The following FAM53B variants were observed in gnomAD, a reference collection of about 807,000 sequenced individuals.
The protein encoded by FAM53B is family with sequence similarity 53 member B.
Under a neutral mutation model 32.7 loss-of-function variants are expected in FAM53B, and 12 were observed. The ratio of observed to expected loss-of-function variants is 0.37; its 90% CI spans 0.24 to 0.59. The LOEUF is 0.59. FAM53B is among the 20% of genes least tolerant of loss of function. The pLI, the probability that FAM53B is intolerant of heterozygous loss-of-function variation, is 0.72. For synonymous variants in FAM53B, 234 were observed against 228.7 expected (o/e 1.02, Z -0.21); for missense variants, 477 against 577.7 (o/e 0.83, Z 1.79).
intron 4 of FAM53B, among the ~76,000 whole-genome samples, chr10:124,681,279 G>A (rs1949769268): frequency 6.6e-6 from 1 of 152,182 alleles, no homozygotes; most frequent in African/African-American, 2.4e-5. Context: ...TCCTGGGAGA[G>A]ACGGCTCCAG....
chr10:124,644,038 A>G (rs932577566), intron 4 of FAM53B, among the ~76,000 whole-genome samples: 1 of 104,646 alleles, frequency 9.6e-6, no homozygotes, highest in African/African-American at 3.3e-5. Flanking sequence ...GCCTTGCTCC[A>G]ACGAAGATGT....
intron 1 of FAM53B, among the ~76,000 whole-genome samples, chr10:124,716,986 A>C (rs1950042053): frequency 6.6e-6 from 1 of 152,192 alleles, no homozygotes; most frequent in South Asian, 2.1e-4. Context: ...CCTATTTATA[A>C]GTATACTGAA....
At chr10:124,677,563 G>A (rs966065179) in intron 4 of FAM53B, among the ~76,000 whole-genome samples, 3 of 152,240 alleles carry the variant, frequency 2.0e-5, no homozygotes, top group South Asian at 2.1e-4. Flanking sequence ...AGGTCCTTGC[G>A]TCATTTCCCC....
At chr10:124,655,639 G>T (rs1402335410) in intron 4 of FAM53B, among the ~76,000 whole-genome samples, 2 of 152,066 alleles carry the variant, frequency 1.3e-5, no homozygotes, top group African/African-American at 2.4e-5. Flanking sequence ...TGCAGCAGGG[G>T]TTCAGCAGGC....
chr10:124,660,332 G>A (rs969741748), intron 4 of FAM53B, among the ~76,000 whole-genome samples: 1 of 152,208 alleles, frequency 6.6e-6, no homozygotes, highest in Non-Finnish European at 1.5e-5. Context: ...GCTTGGAAAA[G>A]ACATCTCACT....
Position 124,705,606 on chromosome 10 carries a change from C to T in FAM53B, c.78+1030G>A, listed in dbSNP as rs377324009. 2.6e-5 allele frequency: 4 copies of T among 152,440 alleles called. No individual in the cohort carries two copies. The East Asian group carries it at 7.7e-4, about 29-fold the overall frequency. The allele number at this position is 152,440 out of a possible 1,614,324, so 9.4% of individuals were successfully genotyped here. ...CACCCTCCCTCTAGACCACGAGCTTCTCAAGGGTGAGGAGTACAGGGCCTG... is the reference window on the plus strand; with the variant it reads ...CACCCTCCCTCTAGACCACGAGCTTTTCAAGGGTGAGGAGTACAGGGCCTG... On this transcript the variant is annotated intron_variant, in intron 2 of 4. Transcript: ENST00000337318.
At chr10:124,725,611 G>A (rs1046683854) in intron 1 of FAM53B, among the ~76,000 whole-genome samples, 1 of 152,202 alleles carries the variant, frequency 6.6e-6, no homozygotes, top group Non-Finnish European at 1.5e-5. Context: ...AACCTATCTG[G>A]GAAACCAAAA....
At chr10:124,719,063 GAAGA>G (rs900501457) in intron 1 of FAM53B, among the ~76,000 whole-genome samples, 66 of 151,868 alleles carry the variant, frequency 4.3e-4, no homozygotes, top group African/African-American at 1.4e-3. Context: ...AAAAGAAGAA[GAAGA>G]AAGAAGGAAG....
Position 124,744,140 on chromosome 10 carries a change from G to C in FAM53B, c.-302C>G, listed in dbSNP as rs1950218459. On this transcript the variant is annotated 5_prime_UTR_variant, in exon 1 of 5. Transcript: ENST00000337318. ...CCTGCCGGCGCCGAGCGCTTTGTACGAGCGACTCCCGGGGAGGAGGAAATC... is the reference window on the plus strand; with the variant it reads ...CCTGCCGGCGCCGAGCGCTTTGTACCAGCGACTCCCGGGGAGGAGGAAATC... The C allele has an allele frequency of 6.8e-6, 1 of 147,242 alleles. No homozygotes were observed. The highest frequency in any genetic ancestry group is 2.4e-5 in the African/African-American group (1 of 41,004). 9.1% of individuals were successfully genotyped at this position (147,242 alleles called of 1,614,324 possible). A position where few individuals can be genotyped will look rare whatever the true frequency, so the allele number is the denominator to read the frequency against.
chr10:124,709,458 G>A lies in FAM53B; in HGVS notation c.-174-2571C>T, dbSNP rs184838978. 1.4e-4 allele frequency among the ~76,000 whole-genome samples: 22 copies of A among 152,350 alleles called. No individual in the cohort carries two copies. The East Asian group carries it at 2.7e-3, about 19-fold the overall frequency. On this transcript the variant is annotated intron_variant, in intron 1 of 4. Coordinates refer to ENST00000337318, the MANE Select transcript of FAM53B (RefSeq NM_014661.4). ...CTGGGTAACTGGGTGGTCAGCACACGTGGCAGGCATGGAAAGGAGAAGGCA... is the reference window on the plus strand; with the variant it reads ...CTGGGTAACTGGGTGGTCAGCACACATGGCAGGCATGGAAAGGAGAAGGCA...
At chr10:124,686,832 A>AGT (rs1472326381) in intron 3 of FAM53B, among the ~76,000 whole-genome samples, 1 of 152,238 alleles carries the variant, frequency 6.6e-6, no homozygotes, top group East Asian at 1.9e-4. Context: ...GGCAAAGGTG[A>AGT]GTCTTCCTTG....
At chr10:124,652,421 A>C (rs1589738517) in intron 4 of FAM53B, among the ~76,000 whole-genome samples, 1 of 152,082 alleles carries the variant, frequency 6.6e-6, no homozygotes, top group Admixed American at 6.5e-5. Flanking sequence ...GTGTCAGAGG[A>C]GGCTGTGGCC....
chr10:124,710,368 A>G (rs1267954486), intron 1 of FAM53B, among the ~76,000 whole-genome samples: 2 of 152,190 alleles, frequency 1.3e-5, no homozygotes, highest in Non-Finnish European at 2.9e-5. Context: ...ATCCAGCTAA[A>G]TTACAGCAAC....
At chr10:124,624,282 C>T (rs1949331394) in intron 4 of FAM53B, among the ~76,000 whole-genome samples, 1 of 152,236 alleles carries the variant, frequency 6.6e-6, no homozygotes, top group Admixed American at 6.5e-5. Context: ...GAGCTGAAGT[C>T]CTGAGCCTGG....
At chr10:124,724,350 C>T (rs934735230) in intron 1 of FAM53B, among the ~76,000 whole-genome samples, 4 of 152,174 alleles carry the variant, frequency 2.6e-5, no homozygotes, top group Non-Finnish European at 5.9e-5. Flanking sequence ...GATGCCCAGA[C>T]AGGTCAGCTG....
At chr10:124,666,766 C>T (rs948747151) in intron 4 of FAM53B, among the ~76,000 whole-genome samples, 3 of 152,228 alleles carry the variant, frequency 2.0e-5, no homozygotes, top group Non-Finnish European at 4.4e-5. Context: ...GTGAACTCCC[C>T]GGGCCTCCCG....
At chr10:124,668,502 T>C (rs937810715) in intron 4 of FAM53B, among the ~76,000 whole-genome samples, 5 of 152,268 alleles carry the variant, frequency 3.3e-5, no homozygotes, top group African/African-American at 4.8e-5. Flanking sequence ...ATACGGGCAA[T>C]GCACTTTCAG....
chr10:124,669,367 C>T (rs1056915444), intron 4 of FAM53B, among the ~76,000 whole-genome samples: 1 of 152,346 alleles, frequency 6.6e-6, no homozygotes, highest in Admixed American at 6.5e-5. Context: ...TCCAGAGAGG[C>T]CATGGTGCTG....
In FAM53B at chr10:124,657,120, A is replaced by ATATACATATATATGTG. The variant is rs1564869732; in HGVS notation, c.906+24486_906+24487insCACATATATATGTATA. Among the ~76,000 whole-genome samples the ATATACATATATATGTG allele has an allele frequency of 4.3e-3, 536 of 123,326 alleles. 5 individuals are homozygous for ATATACATATATATGTG. Among genetic ancestry groups the ATATACATATATATGTG allele is most frequent in the African/African-American group, 0.014 (508 of 36,760 alleles). The allele number at this position is 123,326 out of a possible 152,430, so 80.9% of individuals were successfully genotyped here. A position where few individuals can be genotyped will look rare whatever the true frequency, so the allele number is the denominator to read the frequency against. ...TATGTGTATATATATGTGTGTGTGT[A>ATATACATATATATGTG]TATATATGTGTGTATATACATATAT... is the stretch of plus-strand genomic sequence containing the variant. On this transcript the variant is annotated intron_variant, in intron 4 of 4. Transcript: ENST00000337318.
Sources: gnomAD v4.1 joint callset for allele counts (sites outside exome capture counted in the v4.1 genomes callset) on GRCh38, gnomAD v4.1.1 for gene constraint, MANE v1.5 for transcripts, NCBI Gene and HGNC (gene_info 2026-07-23, HGNC 2026-07-21) for gene names.